ERC2: variants seen among roughly 807,000 people sequenced by gnomAD.
ERC2 encodes the protein ERC protein 2.
In ERC2, 42 loss-of-function variants were observed where a neutral mutation model predicts 114.8. The observed-to-expected ratio is 0.37, with a 90% CI of 0.29 to 0.47. The LOEUF (loss-of-function observed/expected upper bound fraction) is 0.47, where lower values mean the gene tolerates loss of function less well. Among genes scored for constraint, ERC2 ranks in the 20% least tolerant of loss-of-function variants. The probability of loss-of-function intolerance (pLI) is 0.99; values close to 1 mark genes in which losing one functional copy is unlikely to be tolerated. For missense variants in ERC2, 939 were observed against 1,150.7 expected (o/e 0.82, Z 2.66); for synonymous variants, 454 against 425.5 (o/e 1.07, Z -0.82).
chr3:56,035,633 C>T (rs945778028), intron 7 of ERC2, among the ~76,000 whole-genome samples: 1 of 152,158 alleles, frequency 6.6e-6, no homozygotes, highest in Admixed American at 6.5e-5. Context: ...TGCCTTTGTG[C>T]CTTTGGCTTT....
chr3:55,819,073 G>A (rs945173647), intron 14 of ERC2, among the ~76,000 whole-genome samples: 2 of 152,160 alleles, frequency 1.3e-5, no homozygotes, highest in African/African-American at 2.4e-5. Context: ...TCTCTGCTGG[G>A]CATTTTCGGC....
intron 17 of ERC2, among the ~76,000 whole-genome samples, chr3:55,651,014 A>ATTTT (rs71096493): frequency 7.8e-3 from 746 of 96,174 alleles, no homozygotes; most frequent in African/African-American, 0.01. Context: ...CACCCAGCTA[A>ATTTT]TTTTTTTTTT....
intron 14 of ERC2, among the ~76,000 whole-genome samples, chr3:55,799,950 A>T (rs2070904904): frequency 6.6e-6 from 1 of 152,116 alleles, no homozygotes; most frequent in Non-Finnish European, 1.5e-5. Flanking sequence ...GGTGCCCTTA[A>T]ACAAAAGTCC....
chr3:56,134,519 A>T (rs1233328681), intron 6 of ERC2, among the ~76,000 whole-genome samples: 1 of 152,154 alleles, frequency 6.6e-6, no homozygotes, highest in Non-Finnish European at 1.5e-5. Context: ...ACCTGAAATT[A>T]TATACACTAC....
chr3:55,824,319 T>C (rs2060244192), intron 14 of ERC2, among the ~76,000 whole-genome samples: 1 of 152,160 alleles, frequency 6.6e-6, no homozygotes, highest in Non-Finnish European at 1.5e-5. Context: ...CTGGAAGCTG[T>C]GAGTTGAAGA....
chr3:55,660,193 A>G (rs1022871661), intron 17 of ERC2, among the ~76,000 whole-genome samples: 1 of 152,230 alleles, frequency 6.6e-6, no homozygotes, highest in South Asian at 2.1e-4. Context: ...ATTTCTGTAC[A>G]TGCAACTGAG....
intron 4 of ERC2, among the ~76,000 whole-genome samples, chr3:56,173,116 T>C (rs573021941): frequency 8.9e-4 from 135 of 152,318 alleles, no homozygotes; most frequent in Non-Finnish European, 1.7e-3. Context: ...GTGATGTGAA[T>C]AGGAGGAAAA....
intron 3 of ERC2, among the ~76,000 whole-genome samples, chr3:56,264,136 T>C (rs1330902420): frequency 6.6e-6 from 1 of 152,176 alleles, no homozygotes; most frequent in African/African-American, 2.4e-5. Flanking sequence ...GAAATTAGGT[T>C]AAACAAAGTA....
chr3:56,356,157 G>C (rs1351065835), intron 2 of ERC2, among the ~76,000 whole-genome samples: 2 of 152,200 alleles, frequency 1.3e-5, no homozygotes, highest in Non-Finnish European at 2.9e-5. Context: ...AGGGGGATGT[G>C]AGAGATTCAA....
intron 3 of ERC2, among the ~76,000 whole-genome samples, chr3:56,260,314 C>T (rs1451486695): frequency 6.6e-6 from 1 of 151,906 alleles, no homozygotes; most frequent in African/African-American, 2.4e-5. Flanking sequence ...ATGAGAATAA[C>T]AGACTTTCTA....
intron 17 of ERC2, among the ~76,000 whole-genome samples, chr3:55,576,778 A>T (rs2057005057): frequency 6.6e-6 from 1 of 152,100 alleles, no homozygotes; most frequent in Admixed American, 6.5e-5. Context: ...TTCCTGCCCG[A>T]CCCCACCATG....
chr3:55,631,563 C>T (rs2059760308), intron 17 of ERC2, among the ~76,000 whole-genome samples: 1 of 152,200 alleles, frequency 6.6e-6, no homozygotes, highest in Admixed American at 6.5e-5. Context: ...TTACAGTGTA[C>T]ACTCAACTAA....
chr3:55,703,981 G>C (rs965958535), intron 15 of ERC2, among the ~76,000 whole-genome samples: 4 of 152,214 alleles, frequency 2.6e-5, no homozygotes, highest in African/African-American at 9.6e-5. Flanking sequence ...CTAAGAATAA[G>C]GGGTGTTGGG....
At chr3:55,673,033 G>A (rs11920348) in intron 17 of ERC2, among the ~76,000 whole-genome samples, 11 of 152,146 alleles carry the variant, frequency 7.2e-5, no homozygotes, top group Non-Finnish European at 1.6e-4. Context: ...TGATATATTA[G>A]ATTTCCCTGT....
Position 56,311,185 on chromosome 3 carries a change from T to C in ERC2, c.658-14750A>G, listed in dbSNP as rs193035210. On this transcript the variant is annotated intron_variant, in intron 2 of 17. Coordinates refer to ENST00000288221, the MANE Select transcript of ERC2 (RefSeq NM_015576.3). The stretch of plus-strand genomic sequence containing the variant: ...CACATGTGATAATTTAACACATTCA[T>C]ATAATTTGTAAAGATGAAATCAGTG... Among the ~76,000 whole-genome samples the C allele has an allele frequency of 8.2e-5, 12 of 147,222 alleles. No individual in the cohort carries two copies. The East Asian group carries it at 2.4e-3, about 29-fold the overall frequency.
chr3:55,974,984 T>C (rs1018056174), intron 12 of ERC2, among the ~76,000 whole-genome samples: 15 of 152,180 alleles, frequency 9.9e-5, no homozygotes, highest in African/African-American at 3.6e-4. Context: ...GCCAAACCAA[T>C]TCATACTAGC....
chr3:56,314,006 C>G (rs1272605175), intron 2 of ERC2, among the ~76,000 whole-genome samples: 2 of 152,134 alleles, frequency 1.3e-5, no homozygotes, highest in East Asian at 3.8e-4. Flanking sequence ...GTAGCCATGC[C>G]AGTTCAACCT....
At chr3:56,212,746 A>ATGTGTG (rs200404953) in intron 3 of ERC2, among the ~76,000 whole-genome samples, 48 of 152,076 alleles carry the variant, frequency 3.2e-4, no homozygotes, top group East Asian at 7.7e-4. Flanking sequence ...TATGATATAT[A>ATGTGTG]TATGTGTGTG....
intron 3 of ERC2, among the ~76,000 whole-genome samples, chr3:56,183,366 C>T (rs950411673): frequency 2.0e-5 from 3 of 152,200 alleles, no homozygotes; most frequent in African/African-American, 7.2e-5. Context: ...TGACCTTGGG[C>T]AAGTTACTGG....
Sources: allele counts gnomAD v4.1 joint callset (sites outside exome capture counted in the v4.1 genomes callset), GRCh38; gene constraint gnomAD v4.1.1; transcripts MANE v1.5; gene names NCBI Gene and HGNC (gene_info 2026-07-23, HGNC 2026-07-21).